Variants in MAML3 observed in about 807,000 individuals in gnomAD.
MAML3 encodes mastermind like transcriptional coactivator 3.
In MAML3, 27 loss-of-function variants were observed where a neutral mutation model predicts 101.9. The ratio of observed to expected loss-of-function variants is 0.27; its 90% confidence interval spans 0.20 to 0.37. The LOEUF (loss-of-function observed/expected upper bound fraction) is 0.37. Among genes scored for constraint, MAML3 ranks in the 10% least tolerant of loss-of-function variants. MAML3 has a pLI of 1.00. For synonymous variants in MAML3, 501 were observed against 555.9 expected (o/e 0.90, Z 1.39); for missense variants, 1,316 against 1,444.9 (o/e 0.91, Z 1.45).
At chr4:139,730,713 C>T (rs1209774347) in intron 2 of MAML3, 46 bp from the exon 3 acceptor site, 2 of 1,539,850 alleles carry the variant, frequency 1.3e-6, no homozygotes, top group South Asian at 1.2e-5. Context: ...CCCATAGAGA[C>T]TCACTGCTGT....
intron 1 of MAML3, among the ~76,000 whole-genome samples, chr4:140,116,372 C>A (rs1728518713): frequency 6.6e-6 from 1 of 152,198 alleles, no homozygotes; most frequent in South Asian, 2.1e-4. Flanking sequence ...AAGATCCTTA[C>A]TCAAAACTAG....
At chr4:139,870,723 C>G (rs1322412057) in intron 2 of MAML3, among the ~76,000 whole-genome samples, 2 of 152,046 alleles carry the variant, frequency 1.3e-5, no homozygotes, top group Admixed American at 1.3e-4. Flanking sequence ...CTAACTGTAC[C>G]CTCGACCTCC....
chr4:139,762,586 C>T (rs919760744), intron 2 of MAML3, among the ~76,000 whole-genome samples: 6 of 151,846 alleles, frequency 4.0e-5, no homozygotes, highest in Non-Finnish European at 7.4e-5. Flanking sequence ...CATCATAAAC[C>T]AAAAAAGGAT....
intron 1 of MAML3, among the ~76,000 whole-genome samples, chr4:140,123,836 T>C (rs1179373698): frequency 1.3e-5 from 2 of 152,108 alleles, no homozygotes; most frequent in Non-Finnish European, 2.9e-5. Context: ...TCATTCATAA[T>C]AAAAAGGATA....
rs185523036 is a variant in MAML3, at chr4:139,956,042, C to A, written c.469-65075G>T. 3.4e-3 allele frequency among the ~76,000 whole-genome samples: 522 copies of A among 152,308 alleles called. 3 individuals carry two copies. Among genetic ancestry groups the A allele is most frequent in the African/African-American group, 0.01 (434 of 41,568 alleles). ...GATTTGTTACTGTGGCACAACCTTA[C>A]CTTTTCTAATGCAAAGCAACTGGTT... is the stretch of plus-strand genomic sequence containing the variant. On this transcript the variant is annotated intron_variant, in intron 1 of 4. Transcript: ENST00000509479.
chr4:139,896,358 G>T (rs1732607953), intron 1 of MAML3, among the ~76,000 whole-genome samples: 1 of 152,188 alleles, frequency 6.6e-6, no homozygotes, highest in Non-Finnish European at 1.5e-5. Context: ...CCTCGTGGAA[G>T]AATCACAGAA....
chr4:139,761,147 AT>A (rs1051075877), intron 2 of MAML3, among the ~76,000 whole-genome samples: 3 of 152,018 alleles, frequency 2.0e-5, no homozygotes, highest in Non-Finnish European at 4.4e-5. Context: ...TTTAGTAGAG[AT>A]GGGGTTTCAC....
chr4:139,923,466 C>G (rs1412751774), intron 1 of MAML3, among the ~76,000 whole-genome samples: 1 of 152,180 alleles, frequency 6.6e-6, no homozygotes, highest in African/African-American at 2.4e-5. Context: ...ACTTAACATT[C>G]ATGGAACAGC....
chr4:140,010,946 A>T (rs1726541509), intron 1 of MAML3, among the ~76,000 whole-genome samples: 1 of 151,714 alleles, frequency 6.6e-6, no homozygotes, highest in Non-Finnish European at 1.5e-5. Flanking sequence ...CTATTCAAAA[A>T]GTAGCTGGGC....
chr4:140,002,942 T>C (rs1337992462), intron 1 of MAML3, among the ~76,000 whole-genome samples: 1 of 152,230 alleles, frequency 6.6e-6, no homozygotes, highest in African/African-American at 2.4e-5. Flanking sequence ...GTTGGAACCA[T>C]GCCCACTACG....
intron 1 of MAML3, among the ~76,000 whole-genome samples, chr4:140,090,214 A>G (rs1728020874): frequency 6.6e-6 from 1 of 152,168 alleles, no homozygotes; most frequent in Non-Finnish European, 1.5e-5. Context: ...TGGACATTCT[A>G]CAGAGTGCTT....
At position 139,717,067 on chromosome 4, in the gene MAML3, C is replaced by CAGAT. The variant is rs1416671331; in HGVS notation, c.*2252_*2255dup. 3 of 152,290 alleles carry CAGAT rather than the reference C, an allele frequency of 2.0e-5. No individual in the cohort carries two copies. Among genetic ancestry groups the CAGAT allele is most frequent in the Non-Finnish European group, 2.9e-5 (2 of 68,006 alleles). The allele number at this position is 152,290 out of a possible 1,614,324, so 9.4% of individuals were successfully genotyped here. A position where few individuals can be genotyped will look rare whatever the true frequency, so the allele number is the denominator to read the frequency against. ...TATATATTTATATGTATATTTTTTA[C>CAGAT]AGATAGTAGACCCAGTGATATCTGC... On this transcript the variant is annotated 3_prime_UTR_variant, in exon 5 of 5. Transcript: ENST00000509479.
intron 2 of MAML3, among the ~76,000 whole-genome samples, chr4:139,815,635 A>G (rs1198243165): frequency 1.3e-5 from 2 of 152,212 alleles, no homozygotes. Flanking sequence ...CCTAGGCAGA[A>G]TAAGATATTC....
rs567983689 is a variant in MAML3, at chr4:139,780,390, C to T, written c.2080-49723G>A. ...GCCATGCATCTACCTAGAAAGCAGA[C>T]ACCACAAATACTGTCACTCAGGACA... is the stretch of plus-strand genomic sequence containing the variant. On this transcript the variant is annotated intron_variant, in intron 2 of 4. Coordinates refer to ENST00000509479, the MANE Select transcript of MAML3 (RefSeq NM_018717.5). Among the ~76,000 whole-genome samples the T allele has an allele frequency of 2.0e-5, 3 of 152,278 alleles. No individual in the cohort carries two copies. The South Asian group carries it at 6.2e-4, about 32-fold the overall frequency.
intron 1 of MAML3, among the ~76,000 whole-genome samples, chr4:139,902,269 ACACACG>A (rs1162385778): frequency 5.0e-3 from 343 of 68,356 alleles, no homozygotes; most frequent in Admixed American, 2.9e-3. Context: ...ACACGCACAC[ACACACG>A]CACACACACA....
intron 2 of MAML3, among the ~76,000 whole-genome samples, chr4:139,864,050 G>A (rs1336329275): frequency 6.6e-6 from 1 of 152,106 alleles, no homozygotes; most frequent in African/African-American, 2.4e-5. Flanking sequence ...ACAGAAGCTT[G>A]TAAAATAATA....
intron 1 of MAML3, among the ~76,000 whole-genome samples, chr4:140,122,731 G>A (rs1009147501): frequency 7.0e-6 from 1 of 142,688 alleles, no homozygotes; most frequent in African/African-American, 2.6e-5. Flanking sequence ...GGCGGAGCTT[G>A]CAGTGAGCTG....
chr4:139,885,317 G>A (rs879510292), intron 2 of MAML3, among the ~76,000 whole-genome samples: 9 of 151,952 alleles, frequency 5.9e-5, no homozygotes, highest in Non-Finnish European at 1.0e-4. Flanking sequence ...GAGGTGGGAA[G>A]ATGGCTTGAG....
intron 1 of MAML3, among the ~76,000 whole-genome samples, chr4:140,145,898 A>AT (rs1336964289): frequency 8.0e-5 from 1 of 12,578 alleles, no homozygotes; most frequent in Non-Finnish European, 2.7e-4. Context: ...TTTGAGAAGG[A>AT]TTTTTACTCT....
Sources: gnomAD v4.1 joint callset for allele counts (sites outside exome capture counted in the v4.1 genomes callset) on GRCh38, gnomAD v4.1.1 for gene constraint, MANE v1.5 for transcripts, NCBI Gene and HGNC (gene_info 2026-07-23, HGNC 2026-07-21) for gene names.